The following SPMIP2 variants were observed in gnomAD, a reference collection of about 807,000 sequenced individuals.
SPMIP2 encodes sperm microtubule inner protein 2.
At chr4:158,972,620 T>C in the SPMIP2 span, among the ~76,000 whole-genome samples, 5 of 152,214 alleles carry the variant, frequency 3.3e-5, no homozygotes, top group South Asian at 2.1e-4. Context: ...TAAAACCCTC[T>C]GACAACATAC....
chr4:159,033,087 C>A, the SPMIP2 span, among the ~76,000 whole-genome samples: 1 of 152,056 alleles, frequency 6.6e-6, no homozygotes, highest in Admixed American at 6.6e-5. Context: ...AATTGTGACA[C>A]ATCCACACAG....
the SPMIP2 span, among the ~76,000 whole-genome samples, chr4:158,948,418 A>G: frequency 6.6e-6 from 1 of 152,116 alleles, no homozygotes; most frequent in Non-Finnish European, 1.5e-5. Flanking sequence ...GTCATCTTCT[A>G]TCAACTGTGG....
At chr4:159,044,194 C>G in the SPMIP2 span, among the ~76,000 whole-genome samples, 1 of 151,634 alleles carries the variant, frequency 6.6e-6, no homozygotes, top group South Asian at 2.1e-4. Flanking sequence ...GAAGTTTGAG[C>G]TGAAGGGGAG....
the SPMIP2 span, among the ~76,000 whole-genome samples, chr4:159,037,834 A>ATAT: frequency 6.6e-6 from 1 of 151,416 alleles, no homozygotes; most frequent in African/African-American, 2.4e-5. Context: ...ACACATATAT[A>ATAT]TATGTATGTA....
the SPMIP2 span, among the ~76,000 whole-genome samples, chr4:159,040,969 G>A: frequency 6.6e-6 from 1 of 152,120 alleles, no homozygotes; most frequent in Admixed American, 6.5e-5. Flanking sequence ...CTGCTACATG[G>A]TATGTATTCA....
At chr4:159,040,144 A>ATGTG in the SPMIP2 span, among the ~76,000 whole-genome samples, 2,192 of 150,832 alleles carry the variant, frequency 0.015, 43 homozygotes, top group African/African-American at 0.05. Context: ...GTACTTAAAT[A>ATGTG]TGTGTGTGTG....
At chr4:158,957,691 C>G in the SPMIP2 span, among the ~76,000 whole-genome samples, 1 of 152,166 alleles carries the variant, frequency 6.6e-6, no homozygotes, top group African/African-American at 2.4e-5. Flanking sequence ...TCCCAAAATT[C>G]TGGGATTACA....
chr4:159,039,176 C>T, the SPMIP2 span, among the ~76,000 whole-genome samples: 2 of 152,176 alleles, frequency 1.3e-5, no homozygotes, highest in African/African-American at 4.8e-5. Flanking sequence ...TGGGCTCAAG[C>T]AATCCTCCTG....
chr4:158,949,078 G>A, the SPMIP2 span, among the ~76,000 whole-genome samples: 1 of 151,456 alleles, frequency 6.6e-6, no homozygotes, highest in African/African-American at 2.4e-5. Context: ...TTCTACTTTT[G>A]AAGGATTAAC....
At chr4:159,010,147 T>C in the SPMIP2 span, among the ~76,000 whole-genome samples, 2 of 152,228 alleles carry the variant, frequency 1.3e-5, no homozygotes, top group Admixed American at 1.3e-4. Flanking sequence ...TATGGCTGGT[T>C]GGTTGTTTGA....
At chr4:159,034,886 G>A in the SPMIP2 span, 2 of 631,264 alleles carry the variant, frequency 3.2e-6, no homozygotes, top group Non-Finnish European at 5.4e-6. Flanking sequence ...GCGAGACTCT[G>A]TCTCAAAAAA....
At chr4:159,033,802 T>C in the SPMIP2 span, among the ~76,000 whole-genome samples, 1 of 152,116 alleles carries the variant, frequency 6.6e-6, no homozygotes, top group Non-Finnish European at 1.5e-5. Flanking sequence ...AAATATGCAT[T>C]TGATTATTTT....
chr4:159,053,005 G>T, the SPMIP2 span, among the ~76,000 whole-genome samples: 1 of 137,340 alleles, frequency 7.3e-6, no homozygotes, highest in Non-Finnish European at 1.5e-5. Context: ...CGCCCAGGCT[G>T]GAGTGCAGTG....
At chr4:158,895,939 C>A in the SPMIP2 span, 4 of 1,095,818 alleles carry the variant, frequency 3.7e-6, no homozygotes, top group African/African-American at 1.6e-5. Context: ...ACGTGTTTAG[C>A]CTGTGTCACC....
chr4:158,940,572 T>TTTG, the SPMIP2 span, among the ~76,000 whole-genome samples: 1 of 151,798 alleles, frequency 6.6e-6, no homozygotes, highest in African/African-American at 2.4e-5. Context: ...TTTTTTTTTT[T>TTTG]TTTAGCTGAA....
chr4:158,933,970 C>T, the SPMIP2 span, among the ~76,000 whole-genome samples: 116,563 of 152,162 alleles, frequency 0.77, 45,046 homozygotes, highest in East Asian at 0.95. Flanking sequence ...CTTTCTAGTA[C>T]GTATTGAGAC....
At chr4:159,034,104 C>G in the SPMIP2 span, among the ~76,000 whole-genome samples, 1 of 151,796 alleles carries the variant, frequency 6.6e-6, no homozygotes. Context: ...GCCATTGCAC[C>G]CTAGTCTGGG....
the SPMIP2 span, among the ~76,000 whole-genome samples, chr4:159,025,769 A>G: frequency 6.6e-6 from 1 of 152,214 alleles, no homozygotes; most frequent in African/African-American, 2.4e-5. Context: ...TCATTAAACC[A>G]TGATAGAAAA....
the SPMIP2 span, among the ~76,000 whole-genome samples, chr4:158,911,461 T>A: frequency 7.2e-5 from 11 of 152,240 alleles, no homozygotes; most frequent in Non-Finnish European, 1.3e-4. Flanking sequence ...ACCAGATAAT[T>A]CTGTGTTCTA....
Sources: gnomAD v4.1 joint callset for allele counts (sites outside exome capture counted in the v4.1 genomes callset) on GRCh38, gnomAD v4.1.1 for gene constraint, MANE v1.5 for transcripts, NCBI Gene and HGNC (gene_info 2026-07-23, HGNC 2026-07-21) for gene names.